NKAIN2: variants seen among roughly 807,000 people sequenced by gnomAD.
NKAIN2 encodes the protein sodium/potassium-transporting ATPase subunit beta-1-interacting protein 2.
A neutral mutation model predicts 32.6 loss-of-function variants in NKAIN2; 14 were observed. The observed-to-expected ratio is 0.43, with a 90% CI of 0.28 to 0.67. The LOEUF is 0.67. Ranked by LOEUF, NKAIN2 falls within the 30% of genes least tolerant of loss-of-function variation. NKAIN2 has a pLI of 0.17. For synonymous variants in NKAIN2, 80 were observed against 87.2 expected (o/e 0.92, Z 0.46); for missense variants, 198 against 258.3 (o/e 0.77, Z 1.60).
chr6:124,104,860 A>G (rs1785045083), intron 1 of NKAIN2, among the ~76,000 whole-genome samples: 4 of 152,204 alleles, frequency 2.6e-5, no homozygotes, highest in Admixed American at 2.0e-4. Context: ...GTCCAATGCT[A>G]TGACACAGGT....
intron 4 of NKAIN2, among the ~76,000 whole-genome samples, chr6:124,689,135 C>T (rs1774138913): frequency 1.3e-5 from 2 of 152,102 alleles, no homozygotes; most frequent in Admixed American, 1.3e-4. Context: ...TCCTTGCCAG[C>T]ATTTGATGCT....
intron 3 of NKAIN2, among the ~76,000 whole-genome samples, chr6:124,442,390 A>G (rs1403628860): frequency 2.0e-5 from 3 of 152,008 alleles, no homozygotes; most frequent in Non-Finnish European, 4.4e-5. Context: ...ATGTCCATGT[A>G]GTAAGCTGAT....
intron 1 of NKAIN2, among the ~76,000 whole-genome samples, chr6:124,200,847 TG>T: frequency 6.6e-6 from 1 of 152,192 alleles, no homozygotes; most frequent in South Asian, 2.1e-4. Context: ...ATGTGCGGTT[TG>T]TATAGTAGGG....
intron 3 of NKAIN2, among the ~76,000 whole-genome samples, chr6:124,642,665 G>T (rs751684544): frequency 6.6e-6 from 1 of 152,058 alleles, no homozygotes; most frequent in Non-Finnish European, 1.5e-5. Context: ...TGCATCCTTT[G>T]CTAATTACAG....
intron 1 of NKAIN2, among the ~76,000 whole-genome samples, chr6:124,201,945 CG>C (rs549608925): frequency 1.6e-3 from 241 of 151,972 alleles, no homozygotes; most frequent in Non-Finnish European, 2.5e-3. Flanking sequence ...TTTCTATTAA[CG>C]TTTGAGCTTT....
At chr6:124,274,775 C>A (rs187696798) in intron 1 of NKAIN2, among the ~76,000 whole-genome samples, 1 of 151,736 alleles carries the variant, frequency 6.6e-6, no homozygotes, top group East Asian at 1.9e-4. Flanking sequence ...AATGCGGACA[C>A]ACTATTCAAA....
In NKAIN2 at chr6:124,614,286, G is replaced by A. The variant is rs1464955927; in HGVS notation, c.274-43900G>A. On this transcript the variant is annotated intron_variant, in intron 3 of 6. Coordinates refer to ENST00000368417, the MANE Select transcript of NKAIN2 (RefSeq NM_001040214.3). ...GCACGTGCCTGTAATCCTAGCTACTGGGGTGGCTGAGGCACGAGAATTGCT... is the reference window on the plus strand; with the variant it reads ...GCACGTGCCTGTAATCCTAGCTACTAGGGTGGCTGAGGCACGAGAATTGCT... Among the ~76,000 whole-genome samples the A allele has an allele frequency of 2.0e-5, 3 of 152,010 alleles. No individual in the cohort carries two copies. In the South Asian group the frequency reaches 6.2e-4, roughly 32 times the overall value.
chr6:124,535,021 A>G lies in NKAIN2; in HGVS notation c.274-123165A>G, dbSNP rs116500580. ...TTCTAGATAGGTTATAATACATAAT[A>G]CAATGTAAATGCTATAAAAATAATT... On this transcript the variant is annotated intron_variant, in intron 3 of 6. Transcript: ENST00000368417. 9.6e-3 allele frequency among the ~76,000 whole-genome samples: 1,456 copies of G among 152,360 alleles called. 27 individuals are homozygous for G. Among genetic ancestry groups the G allele is most frequent in the African/African-American group, 0.033 (1,378 of 41,578 alleles).
intron 2 of NKAIN2, among the ~76,000 whole-genome samples, chr6:124,289,759 A>G (rs1377869077): frequency 1.3e-5 from 2 of 152,026 alleles, no homozygotes; most frequent in African/African-American, 4.8e-5. Flanking sequence ...AATAAATGTT[A>G]CCTCCCTAAA....
At chr6:123,867,727 A>G (rs139220268) in intron 1 of NKAIN2, among the ~76,000 whole-genome samples, 80 of 152,258 alleles carry the variant, frequency 5.3e-4, no homozygotes, top group Non-Finnish European at 1.0e-3. Context: ...ATTTACCTCA[A>G]ACATTTCCTC....
chr6:124,660,846 G>T (rs1317070351), intron 4 of NKAIN2, among the ~76,000 whole-genome samples: 4 of 152,186 alleles, frequency 2.6e-5, no homozygotes, highest in African/African-American at 9.7e-5. Flanking sequence ...ATTTGAACTC[G>T]AGTTTTATAA....
At chr6:124,291,654 C>T (rs1795820942) in intron 2 of NKAIN2, among the ~76,000 whole-genome samples, 2 of 152,098 alleles carry the variant, frequency 1.3e-5, no homozygotes, top group Admixed American at 1.3e-4. Flanking sequence ...CATCCGCATA[C>T]CCAGACAGCC....
At chr6:124,586,210 A>G (rs1177881377) in intron 3 of NKAIN2, among the ~76,000 whole-genome samples, 1 of 152,194 alleles carries the variant, frequency 6.6e-6, no homozygotes, top group African/African-American at 2.4e-5. Flanking sequence ...AGTACCACAT[A>G]TATAGCTAAA....
intron 3 of NKAIN2, among the ~76,000 whole-genome samples, chr6:124,394,208 G>A (rs58500171): frequency 0.11 from 17,349 of 151,894 alleles, 2,909 homozygotes; most frequent in African/African-American, 0.37. Context: ...GGCAAATCAT[G>A]TGAAAAAAAT....
Position 124,048,757 on chromosome 6 carries a change from T to C in NKAIN2, c.55-234248T>C, listed in dbSNP as rs545963358. Among the ~76,000 whole-genome samples, 23 of 152,118 alleles carry C rather than the reference T, an allele frequency of 1.5e-4. No homozygotes were observed. In the East Asian group the frequency reaches 4.5e-3, roughly 30 times the overall value. On this transcript the variant is annotated intron_variant, in intron 1 of 6. Transcript: ENST00000368417. ...AAATAATTATTGGAAATTTCACCTG[T>C]CAACAGAAAAGTAAACAAAGTAAAA... is the stretch of plus-strand genomic sequence containing the variant.
intron 4 of NKAIN2, among the ~76,000 whole-genome samples, chr6:124,726,299 A>C (rs1291155579): frequency 7.9e-5 from 12 of 152,284 alleles, no homozygotes; most frequent in African/African-American, 2.9e-4. Context: ...TGCAGACTTA[A>C]ATGTCCCTGT....
chr6:124,569,688 C>A (rs543171569), intron 3 of NKAIN2, among the ~76,000 whole-genome samples: 1 of 152,286 alleles, frequency 6.6e-6, no homozygotes, highest in Non-Finnish European at 1.5e-5. Context: ...CTGAGACCTC[C>A]CCAGCCATGT....
chr6:124,707,507 T>G (rs1038954824), intron 4 of NKAIN2, among the ~76,000 whole-genome samples: 4 of 142,070 alleles, frequency 2.8e-5, no homozygotes, highest in Non-Finnish European at 4.6e-5. Context: ...CACCTGTTGT[T>G]TCCTGACTTT....
intron 3 of NKAIN2, among the ~76,000 whole-genome samples, chr6:124,414,573 T>C (rs1004978741): frequency 2.6e-5 from 4 of 152,184 alleles, no homozygotes; most frequent in African/African-American, 4.8e-5. Context: ...GTTTATGGGA[T>C]TGGTATTTTG....
Sources: allele counts gnomAD v4.1 joint callset (sites outside exome capture counted in the v4.1 genomes callset), GRCh38; gene constraint gnomAD v4.1.1; transcripts MANE v1.5; gene names NCBI Gene and HGNC (gene_info 2026-07-23, HGNC 2026-07-21).